Variants in NCOA6 observed in about 807,000 individuals in gnomAD.
NCOA6 encodes the protein nuclear receptor coactivator 6, also known as NRC RAP250.
Under a neutral mutation model 171.4 loss-of-function variants are expected in NCOA6, and 49 were observed. That is an observed-to-expected ratio of 0.29 (90% CI 0.23 to 0.36). The LOEUF is 0.36. NCOA6 is among the 10% of genes least tolerant of loss of function. The pLI is 1.00. For synonymous variants in NCOA6, 910 were observed against 927.5 expected (o/e 0.98, Z 0.34); for missense variants, 2,248 against 2,554.5 (o/e 0.88, Z 2.59).
rs752719149 is a variant in NCOA6, at chr20:34,727,726, CT to C, written c.6000-320del. On this transcript the variant is annotated intron_variant, in intron 13 of 14. Transcript: ENST00000359003. ...TTCCTCACCCATTTTCTTTTCTTTT[CT>C]TTTTTTTTTTTTTCCAGACAGAGTG... is the stretch of plus-strand genomic sequence containing the variant. 2.4e-3 allele frequency among the ~76,000 whole-genome samples: 343 copies of C among 140,972 alleles called. 2 individuals are homozygous for C. The highest frequency in any genetic ancestry group is 0.01 in the Admixed American group (145 of 14,136). The allele number at this position is 140,972 out of a possible 152,430, so 92.5% of individuals were successfully genotyped here.
intron 2 of NCOA6, among the ~76,000 whole-genome samples, chr20:34,785,799 A>T (rs2077658102): frequency 6.6e-6 from 1 of 151,904 alleles, no homozygotes; most frequent in African/African-American, 2.4e-5. Flanking sequence ...AGGACTATGT[A>T]TCTAGATCTG....
At chr20:34,800,742 C>A (rs1008836215) in intron 1 of NCOA6, among the ~76,000 whole-genome samples, 1 of 152,134 alleles carries the variant, frequency 6.6e-6, no homozygotes, top group African/African-American at 2.4e-5. Context: ...AAGAGAAAGA[C>A]AGACCCCAAT....
intron 11 of NCOA6, among the ~76,000 whole-genome samples, chr20:34,738,219 A>G (rs2076016922): frequency 6.6e-6 from 1 of 152,138 alleles, no homozygotes; most frequent in Non-Finnish European, 1.5e-5. Flanking sequence ...TCATATTTTC[A>G]AAGTAAAAGC....
intron 1 of NCOA6, among the ~76,000 whole-genome samples, chr20:34,797,344 G>A (rs1351776998): frequency 6.6e-6 from 1 of 152,130 alleles, no homozygotes; most frequent in Non-Finnish European, 1.5e-5. Context: ...CTAGCTCCTG[G>A]ATGACATTTC....
chr20:34,776,465 A>G lies in NCOA6; in HGVS notation c.236-17T>C, dbSNP rs200621957. 3 of 1,611,814 alleles carry G rather than the reference A, an allele frequency of 1.9e-6. No homozygotes were observed. The highest frequency in any genetic ancestry group is 2.5e-6 in the Non-Finnish European group (3 of 1,178,674). ...TGCTGGACTCTTGATTGTGAAAGAAAAAGAATTATATTAATAATCTTTTAG... is the reference window on the plus strand; with the variant it reads ...TGCTGGACTCTTGATTGTGAAAGAAGAAGAATTATATTAATAATCTTTTAG... On this transcript the variant is annotated splice_polypyrimidine_tract_variant and intron_variant, in intron 3 of 14. Coordinates refer to ENST00000359003, the MANE Select transcript of NCOA6 (RefSeq NM_014071.5).
intron 14 of NCOA6, among the ~76,000 whole-genome samples, chr20:34,717,512 C>T (rs1178820583): frequency 6.6e-6 from 1 of 151,942 alleles, no homozygotes; most frequent in African/African-American, 2.4e-5. Context: ...GTGCCCAGTA[C>T]AGTAATTTCA....
At chr20:34,743,789 T>G (rs2076223243) in intron 10 of NCOA6, among the ~76,000 whole-genome samples, 1 of 152,270 alleles carries the variant, frequency 6.6e-6, no homozygotes, top group African/African-American at 2.4e-5. Context: ...GATTCACTTC[T>G]TCTGTTAGCA....
Position 34,718,572 on chromosome 20 carries a change from C to T in NCOA6, c.6149-3207G>A, listed in dbSNP as rs566306864. Among the ~76,000 whole-genome samples, 8 of 150,896 alleles carry T rather than the reference C, an allele frequency of 5.3e-5. No individual in the cohort carries two copies. The South Asian group carries it at 1.7e-3, about 31-fold the overall frequency. Reference sequence around the variant, plus strand: ...CCAGGCTGGAGTGCAGTGGTGCGATCTGAACTCACTGCAACCTCCACCCCC... The same window carrying T: ...CCAGGCTGGAGTGCAGTGGTGCGATTTGAACTCACTGCAACCTCCACCCCC... On this transcript the variant is annotated intron_variant, in intron 14 of 14. Coordinates refer to ENST00000359003, the MANE Select transcript of NCOA6 (RefSeq NM_014071.5).
Position 34,757,263 on chromosome 20 carries a change from T to C in NCOA6, c.1485A>G (p.Gln495=), listed in dbSNP as rs776945721. Residue 495 remains glutamine, a synonymous_variant, in exon 7 of 15, where the codon CAA becomes CAG. Coordinates refer to ENST00000359003, the MANE Select transcript of NCOA6 (RefSeq NM_014071.5). ...AACTCTGTGGCCCCTGGTTTGGTGG[T>C]TGCTGCTGCATCACCATGAAGTTAG... is the stretch of plus-strand genomic sequence containing the variant. ...VPPNFMVMQQ[Q]PPNQGPQSLH... is the part of the protein sequence containing the mutation. The C allele has an allele frequency of 8.7e-6, 14 of 1,608,932 alleles. No homozygotes were observed. In the East Asian group the frequency reaches 1.3e-4, roughly 15 times the overall value.
chr20:34,739,047 A>C (rs2076048697), intron 11 of NCOA6: 1 of 433,444 alleles, frequency 2.3e-6, no homozygotes, highest in Non-Finnish European at 4.8e-6. Context: ...TCTTCACTTA[A>C]GCCTCACAGG....
At chr20:34,779,101 C>T (rs1180874608) in intron 3 of NCOA6, among the ~76,000 whole-genome samples, 2 of 151,594 alleles carry the variant, frequency 1.3e-5, no homozygotes, top group East Asian at 1.9e-4. Flanking sequence ...TTTTATGTTA[C>T]ATGTATTATA....
Position 34,741,857 on chromosome 20 carries a change from G to C in NCOA6, c.4399C>G (p.Pro1467Ala), listed in dbSNP as rs768753068. 1 of 1,614,186 alleles carries C rather than the reference G, an allele frequency of 6.2e-7. No homozygotes were observed. The highest frequency in any genetic ancestry group is 8.5e-7 in the Non-Finnish European group (1 of 1,180,026). The change falls in exon 11 of 15, where the codon CCT (proline) becomes GCT (alanine). Residue 1467 changes from proline to alanine, a missense_variant. Physicochemically the swap from Pro to Ala is conservative, Grantham distance 27. Coordinates refer to ENST00000359003, the MANE Select transcript of NCOA6 (RefSeq NM_014071.5). ...QSKKDGQPSDPNKLPSVEENK... is the reference protein window; with the variant it reads ...QSKKDGQPSDANKLPSVEENK... Reference sequence around the variant, plus strand: ...TCTTCGACACTGGGAAGTTTGTTAGGATCCGAAGGCTGCCCATCCTTTTTG... The same window carrying C: ...TCTTCGACACTGGGAAGTTTGTTAGCATCCGAAGGCTGCCCATCCTTTTTG...
At chr20:34,739,581 C>A (rs1409819567) in intron 11 of NCOA6, among the ~76,000 whole-genome samples, 1 of 152,214 alleles carries the variant, frequency 6.6e-6, no homozygotes, top group African/African-American at 2.4e-5. Flanking sequence ...CTGAAATAGT[C>A]ATGAGCAAAT....
chr20:34,718,271 T>C (rs761717368), intron 14 of NCOA6, among the ~76,000 whole-genome samples: 21 of 152,154 alleles, frequency 1.4e-4, no homozygotes, highest in Non-Finnish European at 2.8e-4. Context: ...ATCTGAGACA[T>C]AGAGCAAACC....
In NCOA6 at chr20:34,750,451, G is replaced by A; in HGVS notation, c.1744C>T (p.Pro582Ser). ...VSHGPPNMMQ[P>S]SLMGIHGNMN... The stretch of plus-strand genomic sequence containing the variant: ...TTGCCATGAATTCCCATGAGGCTGG[G>A]CTGCATCATATTTGGCGGCCCGTGG... The change falls in exon 9 of 15, where the codon CCC (proline) becomes TCC (serine). Residue 582 changes from proline (P) to serine (S), a missense_variant. Transcript: ENST00000359003. 6.2e-7 allele frequency: 1 copy of A among 1,613,908 alleles called. No homozygotes were observed. Among genetic ancestry groups the A allele is most frequent in the Non-Finnish European group, 8.5e-7 (1 of 1,179,986 alleles).
At chr20:34,766,186 G>T (rs1228091268) in intron 5 of NCOA6, among the ~76,000 whole-genome samples, 1 of 152,114 alleles carries the variant, frequency 6.6e-6, no homozygotes, top group Non-Finnish European at 1.5e-5. Flanking sequence ...TGTTACTACA[G>T]GTCATTACTA....
At chr20:34,804,810 C>A (rs1340507876) in intron 1 of NCOA6, among the ~76,000 whole-genome samples, 1 of 152,032 alleles carries the variant, frequency 6.6e-6, no homozygotes, top group African/African-American at 2.4e-5. Flanking sequence ...ATTAGCACAT[C>A]CATCACCTCA....
At chr20:34,804,878 C>A (rs2146523304) in intron 1 of NCOA6, among the ~76,000 whole-genome samples, 1 of 152,148 alleles carries the variant, frequency 6.6e-6, no homozygotes, top group Admixed American at 6.5e-5. Context: ...TGAAAATATA[C>A]AATAAATTAT....
At chr20:34,715,411 A>G in intron 14 of NCOA6, 46 bp from the exon 15 acceptor site, 1 of 1,421,228 alleles carries the variant, frequency 7.0e-7, no homozygotes, top group South Asian at 1.1e-5. Context: ...AACTCTTTAC[A>G]GCAGTGCCCT....
Sources: gnomAD v4.1 joint callset for allele counts (sites outside exome capture counted in the v4.1 genomes callset) on GRCh38, gnomAD v4.1.1 for gene constraint, MANE v1.5 for transcripts, NCBI Gene and HGNC (gene_info 2026-07-23, HGNC 2026-07-21) for gene names.